RB1CC1: variants seen among roughly 807,000 people sequenced by gnomAD.
The protein encoded by RB1CC1 is RB1-inducible coiled-coil protein 1.
Under a neutral mutation model 177.5 loss-of-function variants are expected in RB1CC1, and 46 were observed. The observed-to-expected ratio is 0.26, with a 90% CI of 0.20 to 0.33. The LOEUF is 0.33. Ranked by LOEUF, RB1CC1 falls within the 10% of genes least tolerant of loss-of-function variation. The probability of loss-of-function intolerance (pLI) is 1.00; values close to 1 mark genes in which losing one functional copy is unlikely to be tolerated. For synonymous variants in RB1CC1, 666 were observed against 613.6 expected, an observed-to-expected ratio of 1.09 and a Z score of -1.26; for missense variants, 1,703 against 1,816.3, an observed-to-expected ratio of 0.94 and a Z score of 1.13.
chr8:52,627,555 A>G (rs987644992), intron 22 of RB1CC1, among the ~76,000 whole-genome samples: 1 of 152,200 alleles, frequency 6.6e-6, no homozygotes, highest in Non-Finnish European at 1.5e-5. Flanking sequence ...GTTACTTAGT[A>G]TATTTTAACA....
rs555387938 is a variant in RB1CC1 at position 52,677,032 on chromosome 8, AT to A, written c.370-462del. 2.0e-5 allele frequency among the ~76,000 whole-genome samples: 3 copies of A among 152,334 alleles called. No homozygotes were observed. In the South Asian group the frequency reaches 6.2e-4, roughly 32 times the overall value. Reference sequence around the variant, plus strand: ...TCTAGAAAATATTTAAGCAGTGAAAATACCTTCAGAAAATAGACATCTGACA... The same window carrying A: ...TCTAGAAAATATTTAAGCAGTGAAAAACCTTCAGAAAATAGACATCTGACA... On this transcript the variant is annotated intron_variant, in intron 5 of 23. Coordinates refer to ENST00000025008, the MANE Select transcript of RB1CC1 (RefSeq NM_014781.5).
chr8:52,671,523 T>A (rs1852601320), intron 7 of RB1CC1, among the ~76,000 whole-genome samples: 2 of 152,138 alleles, frequency 1.3e-5, no homozygotes, highest in South Asian at 4.1e-4. Flanking sequence ...ATGCCCCTAG[T>A]CTTATCAAGA....
chr8:52,678,709 C>G (rs1591062444), intron 5 of RB1CC1, among the ~76,000 whole-genome samples: 1 of 152,122 alleles, frequency 6.6e-6, no homozygotes, highest in East Asian at 1.9e-4. Flanking sequence ...TGTTAATGAA[C>G]AAATTTAGGT....
At chr8:52,626,493 T>C (rs985967762) in intron 22 of RB1CC1, among the ~76,000 whole-genome samples, 6 of 152,134 alleles carry the variant, frequency 3.9e-5, no homozygotes, top group African/African-American at 1.4e-4. Context: ...CTTAGATACA[T>C]ACACATAAAA....
At chr8:52,641,484 T>C (rs1849580985) in intron 18 of RB1CC1, among the ~76,000 whole-genome samples, 1 of 151,960 alleles carries the variant, frequency 6.6e-6, no homozygotes, top group Admixed American at 6.6e-5. Flanking sequence ...TTATCATAAC[T>C]GTTATCTTGA....
intron 19 of RB1CC1, among the ~76,000 whole-genome samples, chr8:52,635,633 T>C (rs1335284530): frequency 6.6e-6 from 1 of 152,154 alleles, no homozygotes; most frequent in African/African-American, 2.4e-5. Flanking sequence ...TTTTGCCAAT[T>C]TCTAAAAAGT....
intron 16 of RB1CC1, 124 bp from the exon 17 acceptor site, chr8:52,642,936 C>T (rs750651633): frequency 9.3e-7 from 1 of 1,076,988 alleles, no homozygotes; most frequent in African/African-American, 1.6e-5. Flanking sequence ...GGGTATGATT[C>T]ATGAAATGTT....
In RB1CC1 at chr8:52,636,078, G is replaced by T; in HGVS notation, c.4338-9C>A. ...ACATATGAATATTTTCTCTAAAAGT[G>T]AGAATAATTGAGTTTCAGTTTGAAA... On this transcript the variant is annotated splice_polypyrimidine_tract_variant and intron_variant, in intron 18 of 23. Coordinates refer to ENST00000025008, the MANE Select transcript of RB1CC1 (RefSeq NM_014781.5). 1.3e-6 allele frequency: 2 copies of T among 1,598,750 alleles called. No individual in the cohort carries two copies. Among genetic ancestry groups the T allele is most frequent in the South Asian group, 2.2e-5 (2 of 89,536 alleles).
rs113117391 is a variant in RB1CC1, at chr8:52,628,128, G to A, written c.4540C>T (p.Arg1514Cys). The A allele has an allele frequency of 2.4e-4, 387 of 1,608,422 alleles. No homozygotes were observed. Among genetic ancestry groups the A allele is most frequent in the Admixed American group, 8.4e-4 (50 of 59,696 alleles). The change falls in exon 22 of 24, where the codon CGC (arginine) becomes TGC (cysteine). Residue 1514 changes from arginine (R) to cysteine (C), a missense_variant. Arg to Cys is a radical substitution (Grantham distance 180, BLOSUM62 -3). Coordinates refer to ENST00000025008, the MANE Select transcript of RB1CC1 (RefSeq NM_014781.5). ...GTAAATAACACATAATTGTCATGGC[G>A]TTCGTCTAGGATGATGAGTACCAAA... ...GDLVLIILDE[R>C]HDNYVLFTVS...
intron 20 of RB1CC1, among the ~76,000 whole-genome samples, chr8:52,633,936 A>C (rs1422228810): frequency 1.3e-5 from 2 of 152,084 alleles, no homozygotes; most frequent in Non-Finnish European, 2.9e-5. Flanking sequence ...GAAAACAAAA[A>C]AACAAAACCT....
At chr8:52,683,254 C>T (rs959630798) in intron 5 of RB1CC1, among the ~76,000 whole-genome samples, 1 of 152,042 alleles carries the variant, frequency 6.6e-6, no homozygotes, top group Admixed American at 6.6e-5. Context: ...TCTACTCTAA[C>T]GTAGGTCCTT....
intron 5 of RB1CC1, 55 bp from the exon 6 acceptor site, chr8:52,676,626 G>A: frequency 6.7e-7 from 1 of 1,492,424 alleles, no homozygotes; most frequent in Non-Finnish European, 9.2e-7. Flanking sequence ...TTTGTTTGCA[G>A]AAGTTTGCAT....
chr8:52,662,170 G>A (rs191898819), intron 8 of RB1CC1, among the ~76,000 whole-genome samples: 180 of 152,060 alleles, frequency 1.2e-3, no homozygotes, highest in Non-Finnish European at 2.0e-3. Flanking sequence ...AATATTTATC[G>A]AAAAGTCACT....
intron 7 of RB1CC1, among the ~76,000 whole-genome samples, chr8:52,672,072 G>C: frequency 6.6e-6 from 1 of 152,188 alleles, no homozygotes; most frequent in East Asian, 1.9e-4. Flanking sequence ...CTTCTAAAAA[G>C]AAAAAAGTGA....
chr8:52,673,975 T>C lies in RB1CC1; in HGVS notation c.872A>G (p.Glu291Gly). The C allele has an allele frequency of 6.2e-7, 1 of 1,614,230 alleles. No individual in the cohort carries two copies. Among genetic ancestry groups the C allele is most frequent in the Non-Finnish European group, 8.5e-7 (1 of 1,180,040 alleles). The stretch of plus-strand genomic sequence containing the variant: ...ACCATCTTTAGTGTCAATCGTAGTT[T>C]CATCTTGCTGATGAACAGTACTTTG... The part of the protein sequence containing the change: ...SCQSTVHQQD[E>G]TTIDTKDGDL... The change falls in exon 7 of 24, where the codon GAA becomes GGA. Residue 291 changes from glutamate to glycine, a missense_variant. Glu to Gly is a moderately conservative substitution (Grantham distance 98). Transcript: ENST00000025008.
intron 1 of RB1CC1, among the ~76,000 whole-genome samples, chr8:52,691,708 T>C (rs1031872583): frequency 3.9e-5 from 6 of 152,190 alleles, no homozygotes; most frequent in African/African-American, 1.4e-4. Flanking sequence ...CTAAATATTT[T>C]CACTCTCTAC....
intron 1 of RB1CC1, among the ~76,000 whole-genome samples, chr8:52,709,418 T>C (rs984154202): frequency 3.9e-5 from 6 of 152,096 alleles, no homozygotes; most frequent in Non-Finnish European, 8.8e-5. Flanking sequence ...ATCCCAGCCT[T>C]ACTGTCAACT....
intron 22 of RB1CC1, among the ~76,000 whole-genome samples, chr8:52,626,272 CTAAA>C (rs1848383730): frequency 1.3e-5 from 2 of 152,138 alleles, no homozygotes; most frequent in African/African-American, 4.8e-5. Context: ...AGTAAGACTG[CTAAA>C]TAAATAAATT....
intron 8 of RB1CC1, among the ~76,000 whole-genome samples, chr8:52,665,062 C>T (rs1851951760): frequency 6.6e-6 from 1 of 151,994 alleles, no homozygotes; most frequent in South Asian, 2.1e-4. Context: ...ATCTGAGAAA[C>T]AGTTATAAAG....
Sources: allele counts gnomAD v4.1 joint callset (sites outside exome capture counted in the v4.1 genomes callset), GRCh38; gene constraint gnomAD v4.1.1; transcripts MANE v1.5; gene names NCBI Gene and HGNC (gene_info 2026-07-23, HGNC 2026-07-21).